The following CADM2 variants were observed in gnomAD, a reference collection of about 807,000 sequenced individuals.
CADM2 encodes the protein immunoglobulin superfamily member 4D.
A neutral mutation model predicts 49.8 loss-of-function variants in CADM2; 12 were observed. The observed-to-expected ratio is 0.24, with a 90% CI of 0.15 to 0.39. CADM2 has a LOEUF of 0.39. Among genes scored for constraint, CADM2 ranks in the 10% least tolerant of loss-of-function variants. CADM2 has a pLI of 1.00. For synonymous variants in CADM2, 214 were observed against 175.4 expected, an observed-to-expected ratio of 1.22 and a Z score of -1.74; for missense variants, 378 against 492.3, an observed-to-expected ratio of 0.77 and a Z score of 2.20.
At chr3:85,660,653 C>A (rs1409462845) in intron 1 of CADM2, among the ~76,000 whole-genome samples, 1 of 151,878 alleles carries the variant, frequency 6.6e-6, no homozygotes, top group Non-Finnish European at 1.5e-5. Flanking sequence ...CAGCAGGGGG[C>A]AGGTTGATCC....
chr3:85,157,087 C>G (rs1275098400), intron 1 of CADM2, among the ~76,000 whole-genome samples: 1 of 152,094 alleles, frequency 6.6e-6, no homozygotes, highest in Non-Finnish European at 1.5e-5. Context: ...CTCCCATTCA[C>G]AATTGCTTCA....
chr3:85,359,930 A>G (rs1290649503), intron 1 of CADM2, among the ~76,000 whole-genome samples: 1 of 151,400 alleles, frequency 6.6e-6, no homozygotes, highest in Non-Finnish European at 1.5e-5. Flanking sequence ...CTGTTTAAAA[A>G]TCATACAATT....
At chr3:85,975,069 G>A (rs867515245) in intron 8 of CADM2, among the ~76,000 whole-genome samples, 21 of 151,272 alleles carry the variant, frequency 1.4e-4, no homozygotes, top group African/African-American at 4.6e-4. Context: ...AGAGGTCCAG[G>A]ATTTACATAA....
intron 1 of CADM2, among the ~76,000 whole-genome samples, chr3:85,093,305 G>A (rs1206709931): frequency 1.3e-5 from 2 of 152,040 alleles, no homozygotes; most frequent in African/African-American, 2.4e-5. Context: ...CAGATCAAGA[G>A]ATCAAGACCA....
In CADM2 at chr3:85,701,717, C is replaced by T. The variant is rs569522043; in HGVS notation, c.62-24805C>T. On this transcript the variant is annotated intron_variant, in intron 1 of 9. Coordinates refer to ENST00000383699, the MANE Select transcript of CADM2 (RefSeq NM_001167675.2). ...CCTAGATGTCTCTGCATATCAGCTT[C>T]TAAACTGGTAAATTTTACCAGGACC... Among the ~76,000 whole-genome samples the T allele has an allele frequency of 1.6e-4, 25 of 152,220 alleles. No individual in the cohort carries two copies. In the East Asian group the frequency reaches 4.6e-3, roughly 28 times the overall value.
intron 6 of CADM2, among the ~76,000 whole-genome samples, chr3:85,925,066 C>G (rs1719650644): frequency 6.6e-6 from 1 of 152,102 alleles, no homozygotes; most frequent in East Asian, 1.9e-4. Context: ...AAAATTTCTA[C>G]CAGATCAAAT....
chr3:85,354,283 C>A (rs1038232823), intron 1 of CADM2, among the ~76,000 whole-genome samples: 3 of 138,674 alleles, frequency 2.2e-5, no homozygotes, highest in African/African-American at 8.2e-5. Flanking sequence ...CAAAATGTGA[C>A]CTAGGTGGAA....
chr3:85,046,055 T>C (rs954233946), intron 1 of CADM2, among the ~76,000 whole-genome samples: 1 of 152,076 alleles, frequency 6.6e-6, no homozygotes, highest in Non-Finnish European at 1.5e-5. Context: ...TGATTGTATG[T>C]AGCGGTTTAT....
intron 1 of CADM2, among the ~76,000 whole-genome samples, chr3:85,015,163 A>G (rs972036524): frequency 2.6e-5 from 4 of 151,778 alleles, no homozygotes; most frequent in Non-Finnish European, 4.4e-5. Flanking sequence ...GGGTATGTGT[A>G]TATATATATA....
chr3:85,693,113 G>T (rs2066436462), intron 1 of CADM2, among the ~76,000 whole-genome samples: 1 of 151,972 alleles, frequency 6.6e-6, no homozygotes, highest in South Asian at 2.1e-4. Flanking sequence ...GCCGGGCGTG[G>T]TGGCATGCAC....
At chr3:85,602,723 A>T (rs1273371583) in intron 1 of CADM2, among the ~76,000 whole-genome samples, 2 of 151,824 alleles carry the variant, frequency 1.3e-5, no homozygotes, top group African/African-American at 4.8e-5. Context: ...AGTGTCATCA[A>T]CAGTAGTATC....
intron 1 of CADM2, among the ~76,000 whole-genome samples, chr3:85,156,278 C>T (rs571549352): frequency 3.3e-5 from 5 of 151,728 alleles, no homozygotes; most frequent in Admixed American, 6.6e-5. Flanking sequence ...GCAATAAAAA[C>T]TGATAAAGGG....
chr3:85,705,902 A>C (rs2066933189), intron 1 of CADM2, among the ~76,000 whole-genome samples: 1 of 152,184 alleles, frequency 6.6e-6, no homozygotes, highest in Admixed American at 6.5e-5. Flanking sequence ...TCTGCAGCGA[A>C]GTCCTTCTCA....
intron 2 of CADM2, among the ~76,000 whole-genome samples, chr3:85,796,372 T>C (rs1680412889): frequency 1.3e-5 from 2 of 152,162 alleles, no homozygotes; most frequent in Admixed American, 1.3e-4. Flanking sequence ...TTCACAAGAT[T>C]GATAGTTCTC....
intron 1 of CADM2, among the ~76,000 whole-genome samples, chr3:85,284,554 A>G (rs1008952913): frequency 1.3e-5 from 2 of 152,098 alleles, no homozygotes; most frequent in Admixed American, 1.3e-4. Flanking sequence ...CTAAGCAAAG[A>G]CTTGAAGTTT....
intron 1 of CADM2, among the ~76,000 whole-genome samples, chr3:85,096,822 GTTTAC>G (rs2037814993): frequency 6.6e-6 from 1 of 151,984 alleles, no homozygotes; most frequent in Non-Finnish European, 1.5e-5. Flanking sequence ...CATAATTAAT[GTTTAC>G]TTTATATTCA....
At chr3:85,189,551 T>G (rs1014010474) in intron 1 of CADM2, among the ~76,000 whole-genome samples, 1 of 152,210 alleles carries the variant, frequency 6.6e-6, no homozygotes, top group African/African-American at 2.4e-5. Context: ...GTAAAACAAC[T>G]TTGTAGGCAT....
chr3:85,348,361 T>C (rs1336277112), intron 1 of CADM2, among the ~76,000 whole-genome samples: 1 of 152,138 alleles, frequency 6.6e-6, no homozygotes, highest in African/African-American at 2.4e-5. Context: ...GTTAATCTTA[T>C]CCCAAAACGC....
intron 1 of CADM2, among the ~76,000 whole-genome samples, chr3:85,609,502 A>C (rs1351448773): frequency 6.6e-6 from 1 of 151,988 alleles, no homozygotes; most frequent in East Asian, 1.9e-4. Flanking sequence ...GGAGATTCTA[A>C]ATTCTTACGG....
Sources: allele counts gnomAD v4.1 joint callset (sites outside exome capture counted in the v4.1 genomes callset), GRCh38; gene constraint gnomAD v4.1.1; transcripts MANE v1.5; gene names NCBI Gene and HGNC (gene_info 2026-07-23, HGNC 2026-07-21).